FCHO2: variants seen among roughly 807,000 people sequenced by gnomAD.
FCHO2 encodes the protein FCH and mu domain containing endocytic adaptor 2, also known as F-BAR domain only protein 2.
Under a neutral mutation model 114.1 loss-of-function variants are expected in FCHO2, and 43 were observed. That is an observed-to-expected ratio of 0.38 (90% CI 0.30 to 0.49). FCHO2 has a LOEUF of 0.49. FCHO2 is among the 20% of genes least tolerant of loss of function. The pLI is 0.97. For synonymous variants in FCHO2, 293 were observed against 315.2 expected, an observed-to-expected ratio of 0.93 and a Z score of 0.75; for missense variants, 807 against 950.4, an observed-to-expected ratio of 0.85 and a Z score of 1.98.
chr5:72,988,197 T>C lies in FCHO2; in HGVS notation c.126-1230T>C, dbSNP rs548548442. On this transcript the variant is annotated intron_variant, in intron 2 of 25. Coordinates refer to ENST00000430046, the MANE Select transcript of FCHO2 (RefSeq NM_138782.3). ...GCTCATGCCTGTAATCCCAGCACTT[T>C]GGGAGGCTGAGTGGGGCGGATCACA... 2.0e-5 allele frequency among the ~76,000 whole-genome samples: 3 copies of C among 152,330 alleles called. No individual in the cohort carries two copies. The South Asian group carries it at 6.2e-4, about 32-fold the overall frequency.
intron 9 of FCHO2, among the ~76,000 whole-genome samples, chr5:73,036,083 T>A (rs10942534): frequency 0.3 from 45,263 of 151,896 alleles, 6,968 homozygotes; most frequent in East Asian, 0.44. Context: ...TGACCTTAGG[T>A]GATCCGCCCA....
chr5:73,051,872 G>A (rs1304004214), intron 12 of FCHO2, among the ~76,000 whole-genome samples: 1 of 151,726 alleles, frequency 6.6e-6, no homozygotes, highest in East Asian at 1.9e-4. Context: ...GACTGGCCTT[G>A]ACATATTTTT....
At chr5:72,993,597 G>C (rs1753921541) in intron 5 of FCHO2, among the ~76,000 whole-genome samples, 1 of 152,042 alleles carries the variant, frequency 6.6e-6, no homozygotes, top group Admixed American at 6.6e-5. Flanking sequence ...AAATCAGAAT[G>C]CATTTTCAAT....
intron 8 of FCHO2, among the ~76,000 whole-genome samples, chr5:73,023,174 A>G (rs1755722047): frequency 6.6e-6 from 1 of 152,196 alleles, no homozygotes; most frequent in Non-Finnish European, 1.5e-5. Flanking sequence ...TACATTGTAG[A>G]ATCACAGTAC....
chr5:73,004,251 T>C (rs1013820426), intron 5 of FCHO2, among the ~76,000 whole-genome samples: 1 of 152,102 alleles, frequency 6.6e-6, no homozygotes, highest in African/African-American at 2.4e-5. Flanking sequence ...TCTGGGTTTC[T>C]TGCGAAGGTA....
chr5:73,062,187 G>A (rs1360647177), intron 17 of FCHO2, among the ~76,000 whole-genome samples: 2 of 152,040 alleles, frequency 1.3e-5, no homozygotes, highest in African/African-American at 4.8e-5. Flanking sequence ...GTAAACAATT[G>A]CAGTTATCTC....
Position 73,054,535 on chromosome 5 carries a change from A to T in FCHO2, c.1196A>T (p.Asn399Ile), listed in dbSNP as rs370982975. 23 of 1,541,138 alleles carry T rather than the reference A, an allele frequency of 1.5e-5. 1 individual carries two copies. In the African/African-American group the frequency reaches 1.8e-4, roughly 12 times the overall value. Residue 399 changes from asparagine (N) to isoleucine (I), a missense_variant, in exon 15 of 26, where the codon AAT (asparagine) becomes ATT (isoleucine). Physicochemically the swap from Asn to Ile is moderately radical, Grantham distance 149. Coordinates refer to ENST00000430046, the MANE Select transcript of FCHO2 (RefSeq NM_138782.3). ...AISRHSPVQM[N>I]RNLSNEELTK... ...GCATCTCTGTTTTAGGTACAGATGA[A>T]TCGGAATTTGTCTAGTAAGTTTGAC...
intron 2 of FCHO2, among the ~76,000 whole-genome samples, chr5:72,983,070 C>T (rs541391159): frequency 2.0e-5 from 3 of 151,918 alleles, no homozygotes; most frequent in African/African-American, 4.8e-5. Flanking sequence ...CCCGCCACCA[C>T]ACCCGGCTAA....
At chr5:73,078,911 A>G (rs947424446) in intron 22 of FCHO2, among the ~76,000 whole-genome samples, 2 of 152,182 alleles carry the variant, frequency 1.3e-5, no homozygotes, top group African/African-American at 2.4e-5. Context: ...TTAGGAAGAA[A>G]CACAACACAA....
At chr5:73,074,904 A>G (rs140422461) in intron 20 of FCHO2, 51 bp downstream of exon 20, 1 of 1,432,708 alleles carries the variant, frequency 7.0e-7, no homozygotes, top group East Asian at 2.4e-5. Flanking sequence ...TGTTGGGTGG[A>G]GGAGGTGGTG....
At chr5:72,972,677 G>A (rs1341274523) in intron 2 of FCHO2, among the ~76,000 whole-genome samples, 6 of 152,054 alleles carry the variant, frequency 3.9e-5, no homozygotes, top group Admixed American at 6.6e-5. Context: ...TCTTTTCCTA[G>A]TTGAATGCCC....
chr5:73,059,070 T>G (rs11749704), intron 17 of FCHO2, among the ~76,000 whole-genome samples: 17,910 of 152,240 alleles, frequency 0.12, 1,271 homozygotes, highest in Non-Finnish European at 0.17. Flanking sequence ...TTTTTAGTTG[T>G]TTTGGCAATA....
At chr5:73,003,094 A>C (rs1754533008) in intron 5 of FCHO2, among the ~76,000 whole-genome samples, 1 of 151,986 alleles carries the variant, frequency 6.6e-6, no homozygotes, top group Non-Finnish European at 1.5e-5. Context: ...TGCAGCCTTG[A>C]ACTCTGGGGC....
rs554004172 is a variant in FCHO2 at position 73,073,029 on chromosome 5, A to T, written c.1580-1713A>T. Among the ~76,000 whole-genome samples the T allele has an allele frequency of 2.0e-5, 3 of 152,200 alleles. No individual in the cohort carries two copies. The East Asian group carries it at 5.8e-4, about 29-fold the overall frequency. The stretch of plus-strand genomic sequence containing the variant: ...TATATTAGGGAAAAAAGTGGATTGA[A>T]CTAAGTTAGATTTACAGTGAAGTTT... On this transcript the variant is annotated intron_variant, in intron 19 of 25. Coordinates refer to ENST00000430046, the MANE Select transcript of FCHO2 (RefSeq NM_138782.3).
chr5:73,058,602 A>G lies in FCHO2; in HGVS notation c.1345+78A>G, dbSNP rs193182669. 1.4e-4 allele frequency: 79 copies of G among 580,658 alleles called. 1 individual carries two copies. In the East Asian group the frequency reaches 2.2e-3, roughly 16 times the overall value. The allele number at this position is 580,658 out of a possible 1,614,324, so 36.0% of individuals were successfully genotyped here. ...GCTTTTTCTCATTCACTTTTTGTGCATTGTACTTAATGATCAAAATTTCTA... is the reference window on the plus strand; with the variant it reads ...GCTTTTTCTCATTCACTTTTTGTGCGTTGTACTTAATGATCAAAATTTCTA... On this transcript the variant is annotated intron_variant, in intron 17 of 25. Transcript: ENST00000430046.
At chr5:73,040,344 A>G (rs1056612577) in intron 10 of FCHO2, among the ~76,000 whole-genome samples, 6 of 152,196 alleles carry the variant, frequency 3.9e-5, no homozygotes, top group Non-Finnish European at 8.8e-5. Context: ...TAGTGTTCAA[A>G]AACTCTCAGA....
At chr5:73,078,993 T>G (rs1044788955) in intron 22 of FCHO2, among the ~76,000 whole-genome samples, 1 of 152,232 alleles carries the variant, frequency 6.6e-6, no homozygotes, top group African/African-American at 2.4e-5. Flanking sequence ...CTTATACATC[T>G]AATATAATAC....
intron 2 of FCHO2, among the ~76,000 whole-genome samples, chr5:72,975,088 T>A (rs1347146814): frequency 6.6e-6 from 1 of 152,188 alleles, no homozygotes; most frequent in East Asian, 1.9e-4. Context: ...ATGCCTTTCC[T>A]AATCTCTCTG....
Position 73,009,093 on chromosome 5 carries a change from A to G in FCHO2, c.600+2544A>G, listed in dbSNP as rs573016351. On this transcript the variant is annotated intron_variant, in intron 6 of 25. Transcript: ENST00000430046. ...AGAGGAAGCCAAAGAAGAAAGAAGA[A>G]AACTGGAAGTGTAATGTCATGGTAG... 4.3e-4 allele frequency among the ~76,000 whole-genome samples: 66 copies of G among 152,332 alleles called. 2 individuals are homozygous for G. The South Asian group carries it at 0.013, about 30-fold the overall frequency.
Sources: allele counts gnomAD v4.1 joint callset (sites outside exome capture counted in the v4.1 genomes callset), GRCh38; gene constraint gnomAD v4.1.1; transcripts MANE v1.5; gene names NCBI Gene and HGNC (gene_info 2026-07-23, HGNC 2026-07-21).